Variants in SLC25A21 observed in about 807,000 individuals in gnomAD.
SLC25A21 encodes the protein solute carrier family 25 member 21.
A neutral mutation model predicts 43.8 loss-of-function variants in SLC25A21; 47 were observed. The observed-to-expected ratio is 1.07, with a 90% CI of 0.85 to 1.37. The LOEUF (loss-of-function observed/expected upper bound fraction) is 1.37, where lower values mean the gene tolerates loss of function less well. Among genes scored for constraint, SLC25A21 ranks in the 40% most tolerant of loss-of-function variants. The probability of loss-of-function intolerance (pLI) is 0.00; values close to 1 mark genes in which losing one functional copy is unlikely to be tolerated. For missense variants in SLC25A21, 352 were observed against 350.2 expected (o/e 1.00, Z -0.04); for synonymous variants, 131 against 121.3 (o/e 1.08, Z -0.52).
At chr14:37,143,445 T>C (rs1259335170) in intron 1 of SLC25A21, among the ~76,000 whole-genome samples, 1 of 152,216 alleles carries the variant, frequency 6.6e-6, no homozygotes, top group African/African-American at 2.4e-5. Context: ...AAGGAATTCA[T>C]GGACATTGGA....
chr14:37,113,004 A>T (rs1343121403), intron 1 of SLC25A21, among the ~76,000 whole-genome samples: 8 of 152,214 alleles, frequency 5.3e-5, no homozygotes, highest in Non-Finnish European at 1.2e-4. Flanking sequence ...GACACTCATT[A>T]AGTGCCTCTG....
intron 2 of SLC25A21, among the ~76,000 whole-genome samples, chr14:36,824,138 A>G (rs551857380): frequency 6.6e-6 from 1 of 152,306 alleles, no homozygotes; most frequent in South Asian, 2.1e-4. Flanking sequence ...GATCAAGTGT[A>G]CCTACTGTAT....
At chr14:37,071,801 A>G (rs530275608) in intron 1 of SLC25A21, among the ~76,000 whole-genome samples, 4 of 152,320 alleles carry the variant, frequency 2.6e-5, no homozygotes, top group African/African-American at 9.6e-5. Context: ...CAAATGCATC[A>G]TCATTTGCAT....
intron 2 of SLC25A21, among the ~76,000 whole-genome samples, chr14:36,819,017 T>C (rs1269035163): frequency 6.6e-6 from 1 of 152,222 alleles, no homozygotes; most frequent in Admixed American, 6.5e-5. Flanking sequence ...ACATCTGGAA[T>C]ATCCATCTGA....
intron 1 of SLC25A21, among the ~76,000 whole-genome samples, chr14:37,019,382 C>T (rs1167883656): frequency 2.0e-5 from 3 of 151,844 alleles, no homozygotes; most frequent in African/African-American, 7.2e-5. Context: ...GAGAGGCCTT[C>T]ATTGACCAGT....
At chr14:36,751,633 T>C (rs1885712317) in intron 3 of SLC25A21, among the ~76,000 whole-genome samples, 1 of 152,232 alleles carries the variant, frequency 6.6e-6, no homozygotes, top group Admixed American at 6.5e-5. Flanking sequence ...TTTTCATTAC[T>C]GTTTTCAGGA....
chr14:36,919,506 T>A (rs1367033), intron 1 of SLC25A21, among the ~76,000 whole-genome samples: 13,402 of 152,014 alleles, frequency 0.088, 969 homozygotes, highest in East Asian at 0.22. Context: ...TTTAAAGCAA[T>A]TTCTCTATCT....
chr14:37,109,118 G>A (rs750045165), intron 1 of SLC25A21, among the ~76,000 whole-genome samples: 8 of 152,116 alleles, frequency 5.3e-5, no homozygotes, highest in Non-Finnish European at 1.0e-4. Flanking sequence ...TCTCTTAACT[G>A]TAAAGTCAGA....
intron 2 of SLC25A21, among the ~76,000 whole-genome samples, chr14:36,836,449 A>C (rs1889212214): frequency 6.6e-6 from 1 of 152,214 alleles, no homozygotes; most frequent in Non-Finnish European, 1.5e-5. Context: ...TGTCAGCTTG[A>C]AGCCTTTAGA....
At chr14:36,699,099 G>A (rs892371917) in intron 7 of SLC25A21, among the ~76,000 whole-genome samples, 1 of 151,666 alleles carries the variant, frequency 6.6e-6, no homozygotes, top group African/African-American at 2.4e-5. Context: ...CTACAGATGG[G>A]GTTTTGGTGT....
chr14:36,990,120 T>G (rs1448695098), intron 1 of SLC25A21, among the ~76,000 whole-genome samples: 3 of 152,074 alleles, frequency 2.0e-5, no homozygotes, highest in African/African-American at 4.8e-5. Flanking sequence ...TTTTTTAGGG[T>G]ACACACGACA....
At chr14:36,796,605 T>A (rs1287008830) in intron 3 of SLC25A21, among the ~76,000 whole-genome samples, 1 of 152,012 alleles carries the variant, frequency 6.6e-6, no homozygotes, top group Non-Finnish European at 1.5e-5. Context: ...CAGGAAAGTG[T>A]GAATTAGCCT....
chr14:36,888,667 G>C (rs116440529), intron 1 of SLC25A21, among the ~76,000 whole-genome samples: 254 of 152,166 alleles, frequency 1.7e-3, no homozygotes, highest in African/African-American at 5.1e-3. Context: ...AGGAAATGTT[G>C]CTTCAAAGTC....
chr14:37,038,752 G>T (rs1001492509), intron 1 of SLC25A21, among the ~76,000 whole-genome samples: 1 of 152,126 alleles, frequency 6.6e-6, no homozygotes, highest in Non-Finnish European at 1.5e-5. Flanking sequence ...GTTGTTAGGG[G>T]TGCTTTTCTT....
At chr14:36,781,265 A>T (rs1357060987) in intron 3 of SLC25A21, among the ~76,000 whole-genome samples, 1 of 152,080 alleles carries the variant, frequency 6.6e-6, no homozygotes, top group Non-Finnish European at 1.5e-5. Flanking sequence ...CTTATTTTAT[A>T]GTTTTTTTAA....
chr14:37,062,799 TAGAG>T (rs1042638679), intron 1 of SLC25A21, among the ~76,000 whole-genome samples: 4 of 152,284 alleles, frequency 2.6e-5, no homozygotes, highest in South Asian at 4.1e-4. Flanking sequence ...GCTGGTGTAA[TAGAG>T]AGGCTATCTT....
rs766029737 is a variant in SLC25A21 at position 36,680,714 on chromosome 14, C to T, written c.844G>A (p.Ala282Thr). ...PKIMRLGPGG[A>T]VMLLVYEYTY... ...TATTCATAAACCAGCAGCATCACTG[C>T]ACCACCTAGAAAAGAAAAGAGCTGT... Residue 282 changes from alanine (A) to threonine (T), a missense_variant, in exon 10 of 10, where the codon GCA becomes ACA. By Grantham distance (58) the Ala-to-Thr change is moderately conservative (BLOSUM62 0). Transcript: ENST00000331299. 6 of 1,612,406 alleles carry T rather than the reference C, an allele frequency of 3.7e-6. No homozygotes were observed. The highest frequency in any genetic ancestry group is 4.2e-6 in the Non-Finnish European group (5 of 1,179,422).
chr14:37,030,457 A>G (rs1057181965), intron 1 of SLC25A21, among the ~76,000 whole-genome samples: 3 of 152,152 alleles, frequency 2.0e-5, no homozygotes, highest in Admixed American at 2.0e-4. Flanking sequence ...CCCTTGAATA[A>G]TCTTTTAGTT....
intron 5 of SLC25A21, among the ~76,000 whole-genome samples, chr14:36,726,450 A>AG (rs1351130152): frequency 2.0e-5 from 3 of 152,048 alleles, no homozygotes; most frequent in South Asian, 2.1e-4. Context: ...ATAAAAAAAA[A>AG]AAGAAGAAGA....
Sources: allele counts gnomAD v4.1 joint callset (sites outside exome capture counted in the v4.1 genomes callset), GRCh38; gene constraint gnomAD v4.1.1; transcripts MANE v1.5; gene names NCBI Gene and HGNC (gene_info 2026-07-23, HGNC 2026-07-21).